The following FSTL4 variants were observed in gnomAD, a reference collection of about 807,000 sequenced individuals.
FSTL4 encodes follistatin-related protein 4.
A neutral mutation model predicts 78.2 loss-of-function variants in FSTL4; 28 were observed. That is an observed-to-expected ratio of 0.36 (90% CI 0.27 to 0.49). FSTL4 has a LOEUF of 0.49. Among genes scored for constraint, FSTL4 ranks in the 20% least tolerant of loss-of-function variants. FSTL4 has a pLI of 0.98. For synonymous variants in FSTL4, 422 were observed against 440.5 expected, an observed-to-expected ratio of 0.96 and a Z score of 0.53; for missense variants, 922 against 1,084.9, an observed-to-expected ratio of 0.85 and a Z score of 2.11.
chr5:133,559,487 A>G (rs1028366275), intron 3 of FSTL4, among the ~76,000 whole-genome samples: 6 of 152,122 alleles, frequency 3.9e-5, no homozygotes, highest in Non-Finnish European at 8.8e-5. Flanking sequence ...CTTGTCCTGG[A>G]GGGGCAGGAT....
the FSTL4 span, among the ~76,000 whole-genome samples, chr5:133,824,644 C>G: frequency 6.6e-6 from 1 of 152,230 alleles, no homozygotes; most frequent in Non-Finnish European, 1.5e-5. Context: ...GAAGAAGGCC[C>G]TGTGCCTTTC....
chr5:133,314,242 G>T (rs1260651454), intron 5 of FSTL4, among the ~76,000 whole-genome samples: 1 of 152,244 alleles, frequency 6.6e-6, no homozygotes, highest in Admixed American at 6.5e-5. Flanking sequence ...AGAGCAGCCT[G>T]AGTCACCTGC....
At chr5:133,701,529 G>A in the FSTL4 span, among the ~76,000 whole-genome samples, 1 of 133,628 alleles carries the variant, frequency 7.5e-6, no homozygotes. Context: ...CCAGCCTCAG[G>A]TTCCCTGAAT....
At chr5:133,669,664 T>C in the FSTL4 span, among the ~76,000 whole-genome samples, 1 of 152,042 alleles carries the variant, frequency 6.6e-6, no homozygotes, top group Non-Finnish European at 1.5e-5. Flanking sequence ...ACCTCAAATA[T>C]CCACCCTCAC....
chr5:133,212,006 C>G (rs1386995083), intron 13 of FSTL4, among the ~76,000 whole-genome samples: 1 of 152,214 alleles, frequency 6.6e-6, no homozygotes, highest in African/African-American at 2.4e-5. Flanking sequence ...GTCCCCTGAG[C>G]CTTAAGTAGA....
chr5:133,578,270 C>T (rs1204655685), intron 2 of FSTL4, among the ~76,000 whole-genome samples: 1 of 152,222 alleles, frequency 6.6e-6, no homozygotes, highest in East Asian at 1.9e-4. Context: ...TTTATTATGC[C>T]CATGAGGGCA....
the FSTL4 span, among the ~76,000 whole-genome samples, chr5:133,691,464 A>C: frequency 6.6e-6 from 1 of 152,118 alleles, no homozygotes; most frequent in African/African-American, 2.4e-5. Flanking sequence ...TCTGACCCAC[A>C]TCTAAATTCT....
At chr5:133,395,555 A>C (rs1756007571) in intron 4 of FSTL4, among the ~76,000 whole-genome samples, 1 of 152,236 alleles carries the variant, frequency 6.6e-6, no homozygotes, top group Non-Finnish European at 1.5e-5. Context: ...AATTCTGGAC[A>C]CAACACTGGT....
At chr5:133,487,125 C>G (rs1339787589) in intron 3 of FSTL4, among the ~76,000 whole-genome samples, 2 of 152,244 alleles carry the variant, frequency 1.3e-5, no homozygotes, top group African/African-American at 2.4e-5. Context: ...ATAGAAGGAC[C>G]CTGTGAGCAC....
the FSTL4 span, among the ~76,000 whole-genome samples, chr5:133,636,933 A>T: frequency 0.068 from 10,297 of 152,254 alleles, 412 homozygotes; most frequent in Admixed American, 0.14. Flanking sequence ...ACTGAGGCTC[A>T]GAGAGGTTAG....
chr5:133,763,371 A>G, the FSTL4 span, among the ~76,000 whole-genome samples: 1 of 152,208 alleles, frequency 6.6e-6, no homozygotes, highest in Admixed American at 6.5e-5. Context: ...TATTCTCTAA[A>G]AAGGGCCAGA....
intron 6 of FSTL4, chr5:133,256,609 A>C (rs1489164718): frequency 6.6e-6 from 1 of 152,192 alleles, no homozygotes; most frequent in Non-Finnish European, 1.5e-5. Context: ...ATCCTTTCAA[A>C]TAACTGCTGA....
At chr5:133,834,609 A>G in the FSTL4 span, among the ~76,000 whole-genome samples, 2 of 152,140 alleles carry the variant, frequency 1.3e-5, no homozygotes, top group Non-Finnish European at 2.9e-5. Flanking sequence ...CAAAATACCA[A>G]AAATGGAAGT....
At chr5:133,642,967 A>G in the FSTL4 span, among the ~76,000 whole-genome samples, 1 of 152,238 alleles carries the variant, frequency 6.6e-6, no homozygotes, top group African/African-American at 2.4e-5. Flanking sequence ...TGTGAATGAG[A>G]TGCCAAGATA....
the FSTL4 span, among the ~76,000 whole-genome samples, chr5:133,748,088 A>C: frequency 2.0e-5 from 3 of 151,562 alleles, no homozygotes; most frequent in Non-Finnish European, 4.4e-5. Flanking sequence ...CAGCTACTCG[A>C]GAGGCTGAGG....
chr5:133,829,503 C>T, the FSTL4 span, among the ~76,000 whole-genome samples: 2 of 152,210 alleles, frequency 1.3e-5, no homozygotes, highest in African/African-American at 4.8e-5. Context: ...TTATTCAGCA[C>T]CTGCTCTATA....
intron 4 of FSTL4, among the ~76,000 whole-genome samples, chr5:133,356,155 G>T (rs190947529): frequency 6.6e-6 from 1 of 152,348 alleles, no homozygotes; most frequent in East Asian, 1.9e-4. Context: ...TTTTCATGCA[G>T]ACAGCTATGT....
At chr5:133,605,411 G>A (rs957284202) in intron 1 of FSTL4, among the ~76,000 whole-genome samples, 1 of 152,226 alleles carries the variant, frequency 6.6e-6, no homozygotes, top group Non-Finnish European at 1.5e-5. Context: ...TGAGGGACCT[G>A]GCAGTCCATC....
chr5:133,493,396 T>C (rs1758308323), intron 3 of FSTL4, among the ~76,000 whole-genome samples: 1 of 152,210 alleles, frequency 6.6e-6, no homozygotes. Flanking sequence ...AGTTTATTTC[T>C]AGGTTTAGAA....
Sources: gnomAD v4.1 joint callset for allele counts (sites outside exome capture counted in the v4.1 genomes callset) on GRCh38, gnomAD v4.1.1 for gene constraint, MANE v1.5 for transcripts, NCBI Gene and HGNC (gene_info 2026-07-23, HGNC 2026-07-21) for gene names.